Variants in ARHGEF28 observed in about 807,000 individuals in gnomAD.
ARHGEF28 encodes 190 kDa guanine nucleotide exchange factor.
A neutral mutation model predicts 206.6 loss-of-function variants in ARHGEF28; 152 were observed. The ratio of observed to expected loss-of-function variants is 0.74; its 90% CI spans 0.64 to 0.84. The LOEUF is 0.84. ARHGEF28 is among the 40% of genes least tolerant of loss of function. The pLI is 0.00. For synonymous variants in ARHGEF28, 763 were observed against 776.4 expected, an observed-to-expected ratio of 0.98 and a Z score of 0.29; for missense variants, 2,028 against 2,073.2, an observed-to-expected ratio of 0.98 and a Z score of 0.42.
chr5:73,716,843 ACT>A (rs1385186603), intron 2 of ARHGEF28, among the ~76,000 whole-genome samples: 8 of 152,102 alleles, frequency 5.3e-5, no homozygotes, highest in African/African-American at 1.9e-4. Context: ...AGGAAAAGAA[ACT>A]CTGGATTCTA....
At chr5:73,706,983 C>T (rs1050181538) in intron 2 of ARHGEF28, among the ~76,000 whole-genome samples, 1 of 152,178 alleles carries the variant, frequency 6.6e-6, no homozygotes, top group Admixed American at 6.5e-5. Context: ...AGCCCTGTCC[C>T]TGTACAGCTT....
chr5:73,894,349 A>G lies in ARHGEF28; in HGVS notation c.3659-44A>G, dbSNP rs34729826. On this transcript the variant is annotated intron_variant, in intron 28 of 35. Transcript: ENST00000513042. ...CGTGGACTTTCACATTAGTGGTTGT[A>G]TTCATGTTAGTGATAATCTTCTATG... 0.15 allele frequency: 225,333 copies of G among 1,519,060 alleles called. 18,770 individuals carry two copies. The highest frequency in any genetic ancestry group is 0.36 in the East Asian group (15,107 of 42,466). The allele number at this position is 1,519,060 out of a possible 1,614,324, so 94.1% of individuals were successfully genotyped here.
chr5:73,880,995 G>GT (rs749743122), intron 22 of ARHGEF28, among the ~76,000 whole-genome samples: 10 of 150,686 alleles, frequency 6.6e-5, no homozygotes, highest in South Asian at 2.1e-4. Context: ...TACTTTGAGT[G>GT]TTTTTTTGTG....
intron 35 of ARHGEF28, among the ~76,000 whole-genome samples, chr5:73,914,299 A>G (rs1224982231): frequency 3.9e-5 from 6 of 152,084 alleles, no homozygotes; most frequent in Non-Finnish European, 8.8e-5. Context: ...TGTCCAGATC[A>G]CATAGCTAGT....
chr5:73,856,011 ACTCTT>A (rs1015403935), intron 14 of ARHGEF28, among the ~76,000 whole-genome samples: 5 of 151,876 alleles, frequency 3.3e-5, no homozygotes, highest in East Asian at 1.9e-4. Context: ...TCTCCTCATC[ACTCTT>A]CTCTTCTCTT....
intron 4 of ARHGEF28, among the ~76,000 whole-genome samples, chr5:73,770,154 C>T (rs1207425619): frequency 6.6e-6 from 1 of 152,192 alleles, no homozygotes; most frequent in Non-Finnish European, 1.5e-5. Flanking sequence ...CTTCAGATGC[C>T]TGGAAGCTTT....
chr5:73,852,616 C>G (rs1579988769), intron 13 of ARHGEF28, 34 bp from the exon 14 acceptor site: 1 of 1,606,842 alleles, frequency 6.2e-7, no homozygotes, highest in East Asian at 2.2e-5. Flanking sequence ...GTTTGTGTGC[C>G]TTAGTTTTCA....
intron 31 of ARHGEF28, chr5:73,902,790 T>G (rs1187261913): frequency 6.6e-6 from 1 of 152,210 alleles, no homozygotes; most frequent in African/African-American, 2.4e-5. Flanking sequence ...CTGTCTTGTG[T>G]CAAACCTAGT....
intron 10 of ARHGEF28, among the ~76,000 whole-genome samples, chr5:73,837,591 A>G (rs936109161): frequency 6.6e-6 from 1 of 151,902 alleles, no homozygotes; most frequent in Non-Finnish European, 1.5e-5. Flanking sequence ...TGTGGGGAAA[A>G]CTATATATAT....
chr5:73,904,783 C>A (rs1024328001), intron 33 of ARHGEF28: 15 of 217,514 alleles, frequency 6.9e-5, no homozygotes, highest in Non-Finnish European at 1.3e-4. Context: ...GCCTTTAGAG[C>A]AGTTAAGTAA....
chr5:73,932,300 C>T (rs1451720007), intron 35 of ARHGEF28, among the ~76,000 whole-genome samples: 2 of 152,170 alleles, frequency 1.3e-5, no homozygotes, highest in East Asian at 3.8e-4. Flanking sequence ...CTTGAAGTTA[C>T]CGCGTTAGCC....
At chr5:73,909,271 G>A (rs1762725078) in intron 33 of ARHGEF28, 141 bp from the exon 34 acceptor site, 1 of 1,277,544 alleles carries the variant, frequency 7.8e-7, no homozygotes, top group Admixed American at 2.9e-5. Flanking sequence ...GCCTTTGGAG[G>A]TAACTTAGAA....
At chr5:73,641,058 C>T (rs1270895020) in intron 1 of ARHGEF28, among the ~76,000 whole-genome samples, 1 of 151,010 alleles carries the variant, frequency 6.6e-6, no homozygotes. Flanking sequence ...TAATGAGTGG[C>T]CATGTTCTGG....
intron 5 of ARHGEF28, 87 bp downstream of exon 5, chr5:73,774,125 C>A: frequency 7.9e-7 from 1 of 1,263,180 alleles, no homozygotes; most frequent in Non-Finnish European, 1.1e-6. Flanking sequence ...AAACCACAAG[C>A]TAATGTTGGT....
At position 73,876,565 on chromosome 5, in the gene ARHGEF28, G is replaced by A. The variant is rs1296233843; in HGVS notation, c.2814+3319G>A. Among the ~76,000 whole-genome samples the A allele has an allele frequency of 2.4e-3, 360 of 147,192 alleles. 1 individual carries two copies. The highest frequency in any genetic ancestry group is 6.1e-3 in the African/African-American group (241 of 39,232). On this transcript the variant is annotated intron_variant, in intron 22 of 35. Transcript: ENST00000513042. ...TGATATTGGCTGTGGGTTTGTCATAGATAGCTCTTATTATTTTGAGATACG... is the reference window on the plus strand; with the variant it reads ...TGATATTGGCTGTGGGTTTGTCATAAATAGCTCTTATTATTTTGAGATACG...
chr5:73,882,276 G>T (rs1382644345), intron 22 of ARHGEF28, among the ~76,000 whole-genome samples, 196 bp from the exon 23 acceptor site: 1 of 151,992 alleles, frequency 6.6e-6, no homozygotes, highest in Non-Finnish European at 1.5e-5. Flanking sequence ...ACATTATGTT[G>T]ACCCTTACCA....
At chr5:73,890,850 A>G (rs182327737) in intron 26 of ARHGEF28, among the ~76,000 whole-genome samples, 1 of 152,238 alleles carries the variant, frequency 6.6e-6, no homozygotes, top group East Asian at 1.9e-4. Context: ...TTATCCCCCA[A>G]ACTGTTCATC....
Position 73,858,129 on chromosome 5 carries a change from C to T in ARHGEF28, c.1957C>T (p.His653Tyr), listed in dbSNP as rs369214338. 7 of 1,612,162 alleles carry T rather than the reference C, an allele frequency of 4.3e-6. No homozygotes were observed. In the African/African-American group the frequency reaches 9.4e-5, roughly 22 times the overall value. Residue 653 changes from histidine to tyrosine, a missense_variant, in exon 16 of 36, where the codon CAT (histidine) becomes TAT (tyrosine). This residue lies in a region of ARHGEF28 where 1,002 missense variants were observed against 1,015.3 expected (regional missense o/e 0.99). Coordinates refer to ENST00000513042, the MANE Select transcript of ARHGEF28 (RefSeq NM_001177693.2). ...DAKDKEKLNR[H>Y]QFAPGTFSGV... ...CAAAGATAAAGAGAAGCTGAATCGA[C>T]ATCAGTTTGCCCCAGGAACATTCTC... is the stretch of plus-strand genomic sequence containing the variant.
At chr5:73,900,751 G>A (rs115897026) in intron 30 of ARHGEF28, 5,430 of 158,242 alleles carry the variant, frequency 0.034, 104 homozygotes, top group South Asian at 0.051. Flanking sequence ...TGCTGCTCTT[G>A]CACTGGCCAC....
Sources: gnomAD v4.1 joint callset for allele counts (sites outside exome capture counted in the v4.1 genomes callset) on GRCh38, gnomAD v4.1.1 for gene constraint, gnomAD v4.1.1 regional missense constraint, MANE v1.5 for transcripts, NCBI Gene and HGNC (gene_info 2026-07-23, HGNC 2026-07-21) for gene names.